Variants in SPAG17 observed in about 807,000 individuals in gnomAD.
The protein encoded by SPAG17 is sperm associated antigen 17.
SPAG17 carries 169 observed loss-of-function variants against 273.6 expected under a neutral mutation model. The ratio of observed to expected loss-of-function variants is 0.62; its 90% CI spans 0.55 to 0.70. The LOEUF (loss-of-function observed/expected upper bound fraction) is 0.70. Ranked by LOEUF, SPAG17 falls within the 30% of genes least tolerant of loss-of-function variation. SPAG17 has a pLI of 0.00. For missense variants in SPAG17, 2,557 were observed against 2,627.8 expected (o/e 0.97, Z 0.59); for synonymous variants, 825 against 873.2 (o/e 0.94, Z 0.97).
chr1:118,068,697 C>T (rs977795101), intron 17 of SPAG17, among the ~76,000 whole-genome samples: 2 of 151,944 alleles, frequency 1.3e-5, no homozygotes, highest in African/African-American at 4.8e-5. Flanking sequence ...AAATGAGTAC[C>T]TATTGTGTGG....
At chr1:118,042,435 A>C (rs1183398224) in intron 20 of SPAG17, among the ~76,000 whole-genome samples, 1 of 152,152 alleles carries the variant, frequency 6.6e-6, no homozygotes, top group African/African-American at 2.4e-5. Flanking sequence ...GTGGAAGACT[A>C]GATGTTCAGA....
chr1:118,012,180 G>T, intron 30 of SPAG17, 48 bp downstream of exon 30: 1 of 1,564,570 alleles, frequency 6.4e-7, no homozygotes, highest in Non-Finnish European at 8.8e-7. Context: ...TCTAACTTAC[G>T]CTAAAGAGTT....
intron 31 of SPAG17, among the ~76,000 whole-genome samples, chr1:118,007,106 G>T (rs893878349): frequency 7.9e-5 from 12 of 151,336 alleles, no homozygotes; most frequent in Non-Finnish European, 1.8e-4. Flanking sequence ...ACTTTTTTTT[G>T]ATTTTGGTAA....
intron 7 of SPAG17, among the ~76,000 whole-genome samples, chr1:118,094,107 C>T (rs557122310): frequency 1.1e-4 from 16 of 152,288 alleles, no homozygotes; most frequent in South Asian, 2.1e-4. Context: ...AGTCCAGTGA[C>T]GTGCACAGCT....
chr1:118,002,449 T>A (rs1658402126), intron 32 of SPAG17, among the ~76,000 whole-genome samples: 1 of 152,206 alleles, frequency 6.6e-6, no homozygotes, highest in South Asian at 2.1e-4. Context: ...TACTATTGTG[T>A]GGGAGTCTAA....
chr1:117,982,158 A>G (rs562338013), intron 42 of SPAG17, among the ~76,000 whole-genome samples: 112 of 151,980 alleles, frequency 7.4e-4, no homozygotes, highest in Non-Finnish European at 1.3e-3. Flanking sequence ...TGTCATAATT[A>G]GATATTTCTA....
At chr1:118,031,164 T>C (rs1648411128) in intron 25 of SPAG17, among the ~76,000 whole-genome samples, 1 of 147,416 alleles carries the variant, frequency 6.8e-6, no homozygotes, top group Non-Finnish European at 1.5e-5. Flanking sequence ...CTAGGGGTAA[T>C]AGGAGGACTA....
chr1:118,081,666 T>C (rs369459339), intron 13 of SPAG17, 24 bp from the exon 14 acceptor site: 28 of 1,591,926 alleles, frequency 1.8e-5, no homozygotes, highest in Non-Finnish European at 2.2e-5. Context: ...GAACCAGTGC[T>C]GCTGGAAATG....
intron 41 of SPAG17, 127 bp downstream of exon 41, chr1:117,984,556 T>C (rs1309927618): frequency 9.6e-6 from 6 of 627,196 alleles, no homozygotes; most frequent in Non-Finnish European, 1.7e-5. Flanking sequence ...AGGGTACAGG[T>C]TAGTCAGCCA....
intron 38 of SPAG17, 76 bp downstream of exon 38, chr1:117,990,785 T>G: frequency 2.2e-6 from 2 of 925,034 alleles, no homozygotes; most frequent in Non-Finnish European, 3.4e-6. Flanking sequence ...GATAAGAGAA[T>G]GACCGATAAG....
At chr1:117,996,888 T>C in intron 32 of SPAG17, 145 bp from the exon 33 acceptor site, 1 of 785,202 alleles carries the variant, frequency 1.3e-6, no homozygotes, top group Non-Finnish European at 2.0e-6. Context: ...GTTTACTAAG[T>C]AGAGACTGCA....
chr1:118,172,493 C>A (rs1363401813), intron 1 of SPAG17, among the ~76,000 whole-genome samples: 1 of 152,090 alleles, frequency 6.6e-6, no homozygotes, highest in African/African-American at 2.4e-5. Context: ...TATAGATGCC[C>A]TTTTGCTACA....
chr1:117,988,199 C>A lies in SPAG17; in HGVS notation c.5527G>T (p.Ala1843Ser). Residue 1843 changes from alanine (A) to serine (S), a missense_variant, in exon 39 of 49, where the codon GCT (alanine) becomes TCT (serine). Physicochemically the swap from Ala to Ser is moderately conservative, Grantham distance 99. Coordinates refer to ENST00000336338, the MANE Select transcript of SPAG17 (RefSeq NM_206996.4). ...TTKSHVTEVA[A>S]HLTDLFKQSL... ...TGCTTGAATAAATCAGTTAGGTGAG[C>A]TGCAACTTTAAACATAGATGTATTT... 1 of 1,595,992 alleles carries A rather than the reference C, an allele frequency of 6.3e-7. No individual in the cohort carries two copies. The highest frequency in any genetic ancestry group is 1.1e-5 in the South Asian group (1 of 87,016).
At position 118,167,463 on chromosome 1, in the gene SPAG17, T is replaced by C. The variant is rs950580295; in HGVS notation, c.88-16094A>G. On this transcript the variant is annotated intron_variant, in intron 1 of 48. Transcript: ENST00000336338. ...ATTTAGAATATTTACCTATTTATGA[T>C]ACTTAAAGAAACATTAAGAAAAATA... is the stretch of plus-strand genomic sequence containing the variant. Among the ~76,000 whole-genome samples, 4 of 152,178 alleles carry C rather than the reference T, an allele frequency of 2.6e-5. No homozygotes were observed. The East Asian group carries it at 5.8e-4, about 22-fold the overall frequency.
chr1:118,054,609 G>T (rs536700210), intron 19 of SPAG17, among the ~76,000 whole-genome samples: 1 of 152,146 alleles, frequency 6.6e-6, no homozygotes, highest in African/African-American at 2.4e-5. Context: ...GAATTATAAA[G>T]AAAAGGCAGT....
At chr1:118,051,544 T>C (rs1465832104) in intron 20 of SPAG17, among the ~76,000 whole-genome samples, 2 of 148,490 alleles carry the variant, frequency 1.3e-5, no homozygotes, top group South Asian at 2.1e-4. Context: ...AAATTTGAGA[T>C]ACACACACAC....
intron 3 of SPAG17, among the ~76,000 whole-genome samples, chr1:118,141,646 T>TA (rs1165324051): frequency 6.6e-6 from 1 of 152,206 alleles, no homozygotes; most frequent in African/African-American, 2.4e-5. Flanking sequence ...TGTGAACAAA[T>TA]CATTTAAGTT....
rs935047551 is a variant in SPAG17 at position 117,984,002 on chromosome 1, A to T, written c.5770-89T>A. 7 of 601,152 alleles carry T rather than the reference A, an allele frequency of 1.2e-5. No individual in the cohort carries two copies. In the Admixed American group the frequency reaches 1.4e-4, roughly 12 times the overall value. The allele number at this position is 601,152 out of a possible 1,614,324, so 37.2% of individuals were successfully genotyped here. ...GTTAAATTAATAAGCAATAATGAAA[A>T]CATATTTTTAATGCCCTGAAAATAA... On this transcript the variant is annotated intron_variant, in intron 41 of 48. Transcript: ENST00000336338.
intron 42 of SPAG17, among the ~76,000 whole-genome samples, chr1:117,983,410 T>G (rs954761820): frequency 6.6e-6 from 1 of 152,248 alleles, no homozygotes; most frequent in African/African-American, 2.4e-5. Context: ...ACTGCTAGGT[T>G]GTCTCATTGT....
Sources: allele counts gnomAD v4.1 joint callset (sites outside exome capture counted in the v4.1 genomes callset), GRCh38; gene constraint gnomAD v4.1.1; transcripts MANE v1.5; gene names NCBI Gene and HGNC (gene_info 2026-07-23, HGNC 2026-07-21).